Variants in CBLN2 observed in about 807,000 individuals in gnomAD.
CBLN2 encodes the protein cerebellin-2.
In CBLN2, 7 loss-of-function variants were observed where a neutral mutation model predicts 15.0. That is an observed-to-expected ratio of 0.47 (90% CI 0.27 to 0.88). The LOEUF is 0.88. Among genes scored for constraint, CBLN2 ranks in the 40% least tolerant of loss-of-function variants. The pLI, the probability that CBLN2 is intolerant of heterozygous loss-of-function variation, is 0.14. For synonymous variants in CBLN2, 149 were observed against 135.2 expected (o/e 1.10, Z -0.71); for missense variants, 242 against 304.5 (o/e 0.79, Z 1.53).
intron 1 of CBLN2, among the ~76,000 whole-genome samples, chr18:72,549,364 A>G (rs955820667): frequency 6.6e-6 from 1 of 152,252 alleles, no homozygotes; most frequent in African/African-American, 2.4e-5. Flanking sequence ...TATAGGCCAC[A>G]CATTGAGTAG....
chr18:72,631,423 T>G (rs2069775585), intron 1 of CBLN2, among the ~76,000 whole-genome samples: 1 of 134,138 alleles, frequency 7.5e-6, no homozygotes, highest in South Asian at 2.5e-4. Context: ...TGGAAAAGGC[T>G]AGTGTGTATT....
At chr18:72,577,686 T>C (rs1346228885) in intron 1 of CBLN2, among the ~76,000 whole-genome samples, 1 of 152,222 alleles carries the variant, frequency 6.6e-6, no homozygotes, top group Non-Finnish European at 1.5e-5. Context: ...CTGGTGCTAA[T>C]TGGTGTCCTT....
intron 1 of CBLN2, among the ~76,000 whole-genome samples, chr18:72,553,895 C>T (rs1406978840): frequency 6.6e-6 from 1 of 152,160 alleles, no homozygotes; most frequent in African/African-American, 2.4e-5. Context: ...AAACATTTGG[C>T]TAAAACGAGA....
chr18:72,610,931 T>A (rs2069617636), intron 1 of CBLN2, among the ~76,000 whole-genome samples: 1 of 152,138 alleles, frequency 6.6e-6, no homozygotes, highest in South Asian at 2.1e-4. Flanking sequence ...TCTGTTATTA[T>A]TATCTTTATG....
At chr18:72,618,865 A>C in intron 1 of CBLN2, 2 of 729,958 alleles carry the variant, frequency 2.7e-6, no homozygotes, top group Non-Finnish European at 5.0e-6. Flanking sequence ...TGGTTCTGGA[A>C]GCTTTAGCGG....
chr18:72,551,839 T>G (rs2069193748), intron 1 of CBLN2, among the ~76,000 whole-genome samples: 1 of 152,226 alleles, frequency 6.6e-6, no homozygotes. Flanking sequence ...CCTTACCTTC[T>G]TGACTCACCT....
chr18:72,562,383 A>C (rs1239942476), intron 1 of CBLN2, among the ~76,000 whole-genome samples: 5 of 152,222 alleles, frequency 3.3e-5, no homozygotes, highest in Non-Finnish European at 7.3e-5. Context: ...TATCTCAAGC[A>C]CAGGAATGAA....
intron 1 of CBLN2, chr18:72,618,632 A>G: frequency 1.0e-6 from 1 of 979,388 alleles, no homozygotes; most frequent in Non-Finnish European, 1.6e-6. Context: ...CACCTAAGAG[A>G]TTATTTTGAA....
rs561573558 is a variant in CBLN2, at chr18:72,544,143, A to C, written c.-378T>G. On this transcript the variant is annotated 5_prime_UTR_variant, in exon 1 of 5. Coordinates refer to ENST00000269503, the MANE Select transcript of CBLN2 (RefSeq NM_182511.4). Reference sequence around the variant, plus strand: ...ACTTTCATAATGACAGGAGCGAAAAAAACAATAAGTTAAAAAAAAAAAAAA... The same window carrying C: ...ACTTTCATAATGACAGGAGCGAAAACAACAATAAGTTAAAAAAAAAAAAAA... 1 of 150,324 alleles carries C rather than the reference A, an allele frequency of 6.7e-6. No individual in the cohort carries two copies. The allele number at this position is 150,324 out of a possible 1,614,324, so 9.3% of individuals were successfully genotyped here.
At chr18:72,563,684 T>C (rs1319259018) in intron 1 of CBLN2, among the ~76,000 whole-genome samples, 1 of 152,192 alleles carries the variant, frequency 6.6e-6, no homozygotes, top group Non-Finnish European at 1.5e-5. Context: ...CATGCTCCAT[T>C]TGTTTGTACA....
chr18:72,623,707 C>T (rs1197927229), intron 1 of CBLN2, among the ~76,000 whole-genome samples: 1 of 152,166 alleles, frequency 6.6e-6, no homozygotes, highest in Non-Finnish European at 1.5e-5. Flanking sequence ...TCAGGACATG[C>T]ATGCCCTCAT....
chr18:72,550,127 G>C (rs1025298422), intron 1 of CBLN2, among the ~76,000 whole-genome samples: 2 of 152,146 alleles, frequency 1.3e-5, no homozygotes, highest in African/African-American at 4.8e-5. Flanking sequence ...AGAAATGTTA[G>C]GAAGTTATAA....
At chr18:72,611,715 T>G (rs2069623842) in intron 1 of CBLN2, among the ~76,000 whole-genome samples, 1 of 152,242 alleles carries the variant, frequency 6.6e-6, no homozygotes, top group Middle Eastern at 3.2e-3. Flanking sequence ...TGTTGATGGT[T>G]TCTTTTGCTG....
intron 1 of CBLN2, among the ~76,000 whole-genome samples, chr18:72,603,173 A>G (rs1374941051): frequency 1.3e-5 from 2 of 152,250 alleles, no homozygotes; most frequent in East Asian, 3.8e-4. Context: ...TCTTATTTAC[A>G]TTCTTCCTCT....
chr18:72,601,830 T>G (rs1217427514), intron 1 of CBLN2, among the ~76,000 whole-genome samples: 1 of 152,194 alleles, frequency 6.6e-6, no homozygotes, highest in Non-Finnish European at 1.5e-5. Context: ...CAGACTCTTT[T>G]GTACAATAAA....
At chr18:72,612,039 A>G (rs959838057) in intron 1 of CBLN2, among the ~76,000 whole-genome samples, 1 of 152,162 alleles carries the variant, frequency 6.6e-6, no homozygotes, top group African/African-American at 2.4e-5. Context: ...TTGTGAAAAT[A>G]GATGGCTGTT....
At chr18:72,634,844 G>T (rs2069801705) in intron 1 of CBLN2, among the ~76,000 whole-genome samples, 1 of 152,150 alleles carries the variant, frequency 6.6e-6, no homozygotes, top group South Asian at 2.1e-4. Flanking sequence ...TTTCTCTTCT[G>T]CAAGCATGTT....
At chr18:72,556,963 AAT>A (rs529570037) in intron 1 of CBLN2, among the ~76,000 whole-genome samples, 4 of 152,188 alleles carry the variant, frequency 2.6e-5, no homozygotes, top group Middle Eastern at 3.4e-3. Context: ...AAAAACTGAA[AAT>A]GTTTTCATCA....
intron 1 of CBLN2, among the ~76,000 whole-genome samples, chr18:72,605,329 T>C: frequency 6.6e-6 from 1 of 152,204 alleles, no homozygotes; most frequent in East Asian, 1.9e-4. Context: ...GTAGAGATAC[T>C]TAATGGTTTT....
Sources: gnomAD v4.1 joint callset for allele counts (sites outside exome capture counted in the v4.1 genomes callset) on GRCh38, gnomAD v4.1.1 for gene constraint, MANE v1.5 for transcripts, NCBI Gene and HGNC (gene_info 2026-07-23, HGNC 2026-07-21) for gene names.